Variants in RBFOX1 observed in about 807,000 individuals in gnomAD.
RBFOX1 encodes the protein RNA binding protein fox-1 homolog 1.
RBFOX1 carries 8 observed loss-of-function variants against 57.7 expected under a neutral mutation model. The observed-to-expected ratio is 0.14, with a 90% CI of 0.08 to 0.25. The LOEUF is 0.25. RBFOX1 is among the 10% of genes least tolerant of loss of function. RBFOX1 has a pLI of 1.00. For missense variants in RBFOX1, 611 were observed against 548.5 expected, an observed-to-expected ratio of 1.11 and a Z score of -1.14; for synonymous variants, 326 against 222.4, an observed-to-expected ratio of 1.47 and a Z score of -4.15.
At position 7,453,504 on chromosome 16, in the gene RBFOX1, A is replaced by T. The variant is rs576184113; in HGVS notation, c.28-64643A>T. The stretch of plus-strand genomic sequence containing the variant: ...TTTTAAGCATTGTAGCCTTAAAAGG[A>T]CGAGCAGGGGCTGGTCCTTTAGAAG... On this transcript the variant is annotated intron_variant, in intron 4 of 15. Transcript: ENST00000550418. Among the ~76,000 whole-genome samples, 20 of 152,340 alleles carry T rather than the reference A, an allele frequency of 1.3e-4. No homozygotes were observed. In the South Asian group the frequency reaches 3.7e-3, roughly 28 times the overall value.
At chr16:5,982,631 T>C (rs1396706091) in intron 4 of RBFOX1, among the ~76,000 whole-genome samples, 2 of 152,196 alleles carry the variant, frequency 1.3e-5, no homozygotes, top group African/African-American at 4.8e-5. Context: ...CATATGGCTC[T>C]ATCCATTTTC....
Position 5,816,835 on chromosome 16 carries a change from C to T in RBFOX1, c.319-50468C>T, listed in dbSNP as rs533952662. ...TAGGCTGAAAAAGATGCTATTCTGTCCTCTCTGTGTTCTTTGTATTATTTT... is the reference window on the plus strand; with the variant it reads ...TAGGCTGAAAAAGATGCTATTCTGTTCTCTCTGTGTTCTTTGTATTATTTT... On this transcript the variant is annotated intron_variant, in intron 3 of 19. Coordinates refer to the RBFOX1 transcript ENST00000641259. 2.0e-5 allele frequency among the ~76,000 whole-genome samples: 3 copies of T among 152,150 alleles called. No homozygotes were observed. In the East Asian group the frequency reaches 5.8e-4, roughly 30 times the overall value.
chr16:5,418,491 C>T (rs533885041), intron 1 of RBFOX1, among the ~76,000 whole-genome samples: 4 of 151,988 alleles, frequency 2.6e-5, no homozygotes, highest in Non-Finnish European at 5.9e-5. Context: ...GGACAGAGGG[C>T]AGGCCTGAAT....
intron 2 of RBFOX1, among the ~76,000 whole-genome samples, chr16:6,513,671 T>C (rs1269632649): frequency 2.0e-5 from 3 of 150,632 alleles, no homozygotes; most frequent in African/African-American, 7.3e-5. Flanking sequence ...GAGGCGGAGG[T>C]TGTAGTGAGC....
intron 4 of RBFOX1, among the ~76,000 whole-genome samples, chr16:7,410,176 C>G (rs766770369): frequency 7.4e-6 from 1 of 135,538 alleles, no homozygotes; most frequent in Non-Finnish European, 1.6e-5. Context: ...AATAATTGTA[C>G]ACATAATAGC....
chr16:5,400,636 T>A (rs1365088799), intron 1 of RBFOX1, among the ~76,000 whole-genome samples: 1 of 151,996 alleles, frequency 6.6e-6, no homozygotes, highest in Non-Finnish European at 1.5e-5. Context: ...GGGCCATAGT[T>A]TAATTTCCCC....
chr16:7,038,783 G>C (rs2045287791), intron 3 of RBFOX1, among the ~76,000 whole-genome samples: 1 of 152,154 alleles, frequency 6.6e-6, no homozygotes, highest in African/African-American at 2.4e-5. Flanking sequence ...AATCTGTCTG[G>C]ACCTGGGGGA....
At chr16:6,131,806 G>C (rs997994) in intron 1 of RBFOX1, among the ~76,000 whole-genome samples, 14,353 of 152,126 alleles carry the variant, frequency 0.094, 1,122 homozygotes, top group East Asian at 0.21. Context: ...ATGTGGAGAG[G>C]CTCACATGTG....
chr16:5,982,246 C>G (rs1198744750), intron 4 of RBFOX1, among the ~76,000 whole-genome samples: 1 of 151,946 alleles, frequency 6.6e-6, no homozygotes, highest in African/African-American at 2.4e-5. Flanking sequence ...CAGGGATGTT[C>G]CCACCATAGG....
At chr16:6,642,754 A>C (rs1319518264) in intron 2 of RBFOX1, among the ~76,000 whole-genome samples, 1 of 152,150 alleles carries the variant, frequency 6.6e-6, no homozygotes, top group Non-Finnish European at 1.5e-5. Context: ...TTCTGGCTTT[A>C]CAGCTTTTTC....
chr16:7,106,123 C>T (rs745757175), intron 4 of RBFOX1, among the ~76,000 whole-genome samples: 17 of 152,230 alleles, frequency 1.1e-4, no homozygotes, highest in South Asian at 4.1e-4. Context: ...ACTCCTTTAC[C>T]GTGAATCTAT....
At chr16:5,950,820 G>T (rs763926919) in intron 4 of RBFOX1, among the ~76,000 whole-genome samples, 1 of 152,060 alleles carries the variant, frequency 6.6e-6, no homozygotes, top group African/African-American at 2.4e-5. Flanking sequence ...GGGAAACTCA[G>T]TGTGGTGAAT....
intron 4 of RBFOX1, among the ~76,000 whole-genome samples, chr16:7,500,960 C>T (rs1190012760): frequency 1.3e-5 from 2 of 152,202 alleles, no homozygotes; most frequent in African/African-American, 2.4e-5. Flanking sequence ...GGCTTTCCCC[C>T]TGCTTTGCTC....
At chr16:7,664,319 G>A (rs988214924) in intron 12 of RBFOX1, among the ~76,000 whole-genome samples, 1 of 152,144 alleles carries the variant, frequency 6.6e-6, no homozygotes, top group Non-Finnish European at 1.5e-5. Flanking sequence ...ATGTACCCAT[G>A]CTCACCCACA....
chr16:7,274,473 T>C (rs1376493162), intron 4 of RBFOX1, among the ~76,000 whole-genome samples: 1 of 152,070 alleles, frequency 6.6e-6, no homozygotes, highest in Non-Finnish European at 1.5e-5. Context: ...GTCAGTTTCC[T>C]TCTTAGCTTG....
rs2052877658 is a variant in RBFOX1, at chr16:5,743,990, A to G, written c.319-123313A>G. Among the ~76,000 whole-genome samples the G allele has an allele frequency of 2.0e-5, 3 of 152,174 alleles. No homozygotes were observed. In the South Asian group the frequency reaches 6.2e-4, roughly 32 times the overall value. ...AGGTTGTTTGCATCCTTTCCCTTCAAAGGACCTATCTTACGGAAATAGAGA... is the reference window on the plus strand; with the variant it reads ...AGGTTGTTTGCATCCTTTCCCTTCAGAGGACCTATCTTACGGAAATAGAGA... On this transcript the variant is annotated intron_variant, in intron 3 of 19. Transcript: ENST00000641259.
chr16:7,507,875 T>G (rs2073891164), intron 4 of RBFOX1, among the ~76,000 whole-genome samples: 1 of 148,276 alleles, frequency 6.7e-6, no homozygotes, highest in Admixed American at 6.7e-5. Flanking sequence ...AATCTGTTAT[T>G]TTTAAAAGAA....
At chr16:7,413,713 A>T (rs1348268051) in intron 4 of RBFOX1, among the ~76,000 whole-genome samples, 1 of 152,114 alleles carries the variant, frequency 6.6e-6, no homozygotes, top group East Asian at 1.9e-4. Context: ...AATGGATAGG[A>T]TTCAAACAAG....
intron 2 of RBFOX1, among the ~76,000 whole-genome samples, chr16:6,599,534 A>T (rs1054147183): frequency 1.3e-5 from 2 of 152,206 alleles, no homozygotes; most frequent in African/African-American, 4.8e-5. Flanking sequence ...GTGGCTAGGA[A>T]CTTCAGTTCT....
Sources: allele counts gnomAD v4.1 joint callset (sites outside exome capture counted in the v4.1 genomes callset), GRCh38; gene constraint gnomAD v4.1.1; transcripts MANE v1.5; gene names NCBI Gene and HGNC (gene_info 2026-07-23, HGNC 2026-07-21).